WAC: variants seen among roughly 807,000 people sequenced by gnomAD.
The protein encoded by WAC is WW domain-containing adapter protein with coiled-coil.
In WAC, 11 loss-of-function variants were observed where a neutral mutation model predicts 79.6. That is an observed-to-expected ratio of 0.14 (90% confidence interval 0.09 to 0.23). The LOEUF is 0.23. WAC is among the 10% of genes least tolerant of loss of function. The probability of loss-of-function intolerance (pLI) is 1.00; values close to 1 mark genes in which losing one functional copy is unlikely to be tolerated. For synonymous variants in WAC, 304 were observed against 276.9 expected (o/e 1.10, Z -0.97); for missense variants, 728 against 773.5 (o/e 0.94, Z 0.70).
chr10:28,560,146 A>G (rs1838222647), intron 3 of WAC, among the ~76,000 whole-genome samples: 1 of 152,168 alleles, frequency 6.6e-6, no homozygotes. Context: ...GTTCGAGACC[A>G]GGCTAGGCAA....
intron 3 of WAC, among the ~76,000 whole-genome samples, chr10:28,552,961 A>G (rs546395279): frequency 6.9e-6 from 1 of 145,574 alleles, no homozygotes; most frequent in South Asian, 2.2e-4. Flanking sequence ...GAGCCTTTCG[A>G]TTTTTGTACT....
chr10:28,603,535 TCA>T (rs1840743804), intron 7 of WAC, among the ~76,000 whole-genome samples: 1 of 152,210 alleles, frequency 6.6e-6, no homozygotes, highest in Non-Finnish European at 1.5e-5. Flanking sequence ...CTGTTTATGT[TCA>T]GTTTGTTGCA....
intron 2 of WAC, chr10:28,534,272 C>A (rs1414376596): frequency 1.4e-5 from 6 of 437,186 alleles, no homozygotes; most frequent in Non-Finnish European, 2.4e-5. Context: ...AAAAAAGAAT[C>A]ATTTGCAGCC....
chr10:28,605,491 C>T (rs1840895656), intron 7 of WAC, among the ~76,000 whole-genome samples: 1 of 152,082 alleles, frequency 6.6e-6, no homozygotes, highest in Non-Finnish European at 1.5e-5. Context: ...AAGTTGTGGC[C>T]TTCAGAGATG....
chr10:28,585,495 C>T (rs774361944), intron 4 of WAC, among the ~76,000 whole-genome samples: 1 of 151,740 alleles, frequency 6.6e-6, no homozygotes, highest in African/African-American at 2.4e-5. Context: ...TAAGCCTTCA[C>T]GCGTGCTATC....
At chr10:28,585,000 G>A (rs533460979) in intron 4 of WAC, among the ~76,000 whole-genome samples, 7 of 152,148 alleles carry the variant, frequency 4.6e-5, no homozygotes, top group East Asian at 3.9e-4. Context: ...CCTGGGAGGC[G>A]GAGGTTGCAG....
intron 3 of WAC, among the ~76,000 whole-genome samples, chr10:28,568,702 C>T (rs759860133): frequency 3.3e-5 from 5 of 152,160 alleles, no homozygotes; most frequent in South Asian, 2.1e-4. Context: ...TCTCCCCACA[C>T]CCCACGACAG....
intron 7 of WAC, among the ~76,000 whole-genome samples, chr10:28,607,052 G>A (rs1283655957): frequency 2.6e-5 from 4 of 152,086 alleles, no homozygotes; most frequent in Non-Finnish European, 5.9e-5. Context: ...AATTTCCTAG[G>A]CATTCAAGTT....
chr10:28,614,004 TGTG>T (rs1003770657), intron 10 of WAC, among the ~76,000 whole-genome samples: 3 of 152,196 alleles, frequency 2.0e-5, no homozygotes, highest in Admixed American at 6.5e-5. Flanking sequence ...ATGTGTATGA[TGTG>T]GTAGCATACA....
intron 3 of WAC, among the ~76,000 whole-genome samples, chr10:28,557,144 C>T (rs1324511018): frequency 6.6e-6 from 1 of 150,994 alleles, no homozygotes; most frequent in Admixed American, 6.6e-5. Context: ...CAGCCTTTTT[C>T]TAATAACAAC....
At chr10:28,577,314 T>G (rs1007889124) in intron 3 of WAC, among the ~76,000 whole-genome samples, 2 of 152,258 alleles carry the variant, frequency 1.3e-5, no homozygotes, top group Non-Finnish European at 1.5e-5. Flanking sequence ...AGCTGCATTT[T>G]TATCCTAATG....
In WAC at chr10:28,584,291, T is replaced by C. The variant is rs545963934; in HGVS notation, c.381+786T>C. On this transcript the variant is annotated intron_variant, in intron 4 of 13. Transcript: ENST00000354911. ...ACTAAAACTTGGGCAGTAAAAGAGC[T>C]CTGGACTTCATAGCATACAAAGGAA... is the stretch of plus-strand genomic sequence containing the variant. Among the ~76,000 whole-genome samples the C allele has an allele frequency of 3.3e-5, 5 of 152,238 alleles. No homozygotes were observed. In the South Asian group the frequency reaches 6.2e-4, roughly 19 times the overall value.
intron 3 of WAC, among the ~76,000 whole-genome samples, chr10:28,581,451 C>T (rs1029804089): frequency 1.1e-4 from 17 of 151,882 alleles, no homozygotes; most frequent in African/African-American, 3.9e-4. Flanking sequence ...TCTAGATTCC[C>T]ACATGTCTGT....
intron 6 of WAC, among the ~76,000 whole-genome samples, chr10:28,592,960 A>G (rs537806043): frequency 9.2e-5 from 14 of 152,290 alleles, no homozygotes; most frequent in Non-Finnish European, 1.6e-4. Context: ...TCATTGACAA[A>G]TAATCCCCTA....
chr10:28,536,170 C>T (rs1836659992), intron 3 of WAC, among the ~76,000 whole-genome samples: 1 of 151,628 alleles, frequency 6.6e-6, no homozygotes. Flanking sequence ...TCACTTGAAC[C>T]TGGTTGGTGG....
At chr10:28,550,769 C>G (rs1255406079) in intron 3 of WAC, among the ~76,000 whole-genome samples, 1 of 152,126 alleles carries the variant, frequency 6.6e-6, no homozygotes, top group African/African-American at 2.4e-5. Context: ...AGCAAATAGT[C>G]TATTCAGGCT....
At chr10:28,606,143 G>A (rs1049262155) in intron 7 of WAC, among the ~76,000 whole-genome samples, 1 of 151,650 alleles carries the variant, frequency 6.6e-6, no homozygotes, top group East Asian at 2.0e-4. Context: ...CCACGACTTC[G>A]TGGCTCAGGT....
chr10:28,586,153 A>C (rs1176618353), intron 4 of WAC, among the ~76,000 whole-genome samples: 1 of 152,214 alleles, frequency 6.6e-6, no homozygotes, highest in Admixed American at 6.5e-5. Flanking sequence ...AGTTGGCTTT[A>C]GAGTTATCTA....
intron 3 of WAC, among the ~76,000 whole-genome samples, chr10:28,537,342 A>G (rs1010454451): frequency 1.3e-5 from 2 of 152,328 alleles, no homozygotes; most frequent in South Asian, 2.1e-4. Context: ...CCACTCTTCT[A>G]TAGTGGATTT....
Sources: allele counts gnomAD v4.1 joint callset (sites outside exome capture counted in the v4.1 genomes callset), GRCh38; gene constraint gnomAD v4.1.1; transcripts MANE v1.5; gene names NCBI Gene and HGNC (gene_info 2026-07-23, HGNC 2026-07-21).